Variants in RAB28 observed in about 807,000 individuals in gnomAD.
The protein encoded by RAB28 is ras-related protein Rab-28.
In RAB28, 24 loss-of-function variants were observed where a neutral mutation model predicts 31.7. That is an observed-to-expected ratio of 0.76 (90% CI 0.55 to 1.06). RAB28 has a LOEUF of 1.06. Ranked by LOEUF, RAB28 falls within the 50% of genes least tolerant of loss-of-function variation. The pLI, the probability that RAB28 is intolerant of heterozygous loss-of-function variation, is 0.00. For missense variants in RAB28, 254 were observed against 258.5 expected (o/e 0.98, Z 0.12); for synonymous variants, 100 against 90.4 (o/e 1.11, Z -0.60).
chr4:13,420,369 T>C (rs747094501), intron 4 of RAB28, among the ~76,000 whole-genome samples: 1 of 152,064 alleles, frequency 6.6e-6, no homozygotes, highest in Non-Finnish European at 1.5e-5. Context: ...AATATTCCAA[T>C]CAATAGAAAA....
chr4:13,412,093 A>C (rs1333208425), intron 4 of RAB28, among the ~76,000 whole-genome samples: 1 of 152,160 alleles, frequency 6.6e-6, no homozygotes, highest in Non-Finnish European at 1.5e-5. Context: ...CCTACACCAC[A>C]ATTTGTTGAA....
intron 4 of RAB28, among the ~76,000 whole-genome samples, chr4:13,415,513 G>T (rs1363714219): frequency 6.6e-6 from 1 of 152,132 alleles, no homozygotes; most frequent in Non-Finnish European, 1.5e-5. Flanking sequence ...CTGCCGGCCC[G>T]GGCAATGAGG....
chr4:13,462,946 G>A (rs1039202552), intron 3 of RAB28, among the ~76,000 whole-genome samples: 1 of 152,134 alleles, frequency 6.6e-6, no homozygotes, highest in Non-Finnish European at 1.5e-5. Context: ...AGAGCTCTAC[G>A]CTGGAACTCA....
intron 4 of RAB28, among the ~76,000 whole-genome samples, chr4:13,418,358 A>G (rs1712918815): frequency 6.6e-6 from 1 of 152,218 alleles, no homozygotes; most frequent in Admixed American, 6.5e-5. Flanking sequence ...AACTTCCCCA[A>G]CCCAGCAAGG....
intron 4 of RAB28, among the ~76,000 whole-genome samples, chr4:13,452,574 T>C (rs1409141983): frequency 6.6e-6 from 1 of 152,114 alleles, no homozygotes; most frequent in Non-Finnish European, 1.5e-5. Context: ...TTGTATAGTT[T>C]TGAATGTTCA....
At chr4:13,481,336 G>A (rs1187421489) in intron 1 of RAB28, among the ~76,000 whole-genome samples, 1 of 152,070 alleles carries the variant, frequency 6.6e-6, no homozygotes, top group African/African-American at 2.4e-5. Flanking sequence ...GATGTCTTGA[G>A]ATAAAAATTG....
At chr4:13,379,840 C>A (rs1315202084) in intron 5 of RAB28, among the ~76,000 whole-genome samples, 2 of 152,026 alleles carry the variant, frequency 1.3e-5, no homozygotes, top group Non-Finnish European at 2.9e-5. Context: ...TCTCCTCAAG[C>A]AATGAGAAAG....
chr4:13,433,361 A>G (rs1010110879), intron 4 of RAB28, among the ~76,000 whole-genome samples: 1 of 152,174 alleles, frequency 6.6e-6, no homozygotes, highest in African/African-American at 2.4e-5. Flanking sequence ...CAACACAGAA[A>G]GCAGACAATC....
chr4:13,406,460 A>G (rs1392730955), intron 4 of RAB28, among the ~76,000 whole-genome samples: 1 of 152,180 alleles, frequency 6.6e-6, no homozygotes, highest in Non-Finnish European at 1.5e-5. Flanking sequence ...CGCAATAAAC[A>G]TAGGTGTGTA....
chr4:13,402,935 A>G (rs1711857271), intron 4 of RAB28, among the ~76,000 whole-genome samples: 3 of 152,120 alleles, frequency 2.0e-5, no homozygotes, highest in South Asian at 2.1e-4. Flanking sequence ...CTGGGAACAC[A>G]GGCACATGCC....
At chr4:13,415,705 C>G (rs575138479) in intron 4 of RAB28, among the ~76,000 whole-genome samples, 135 of 152,258 alleles carry the variant, frequency 8.9e-4, no homozygotes, top group Middle Eastern at 3.4e-3. Context: ...GCCTCCCCAA[C>G]GAGCACCATC....
At chr4:13,425,094 A>G (rs1296221431) in intron 4 of RAB28, among the ~76,000 whole-genome samples, 3 of 152,066 alleles carry the variant, frequency 2.0e-5, no homozygotes, top group African/African-American at 7.2e-5. Context: ...TAAATTATTG[A>G]TTTTCTTTTA....
intron 4 of RAB28, among the ~76,000 whole-genome samples, chr4:13,419,012 C>G (rs946070925): frequency 6.6e-5 from 10 of 151,918 alleles, no homozygotes; most frequent in Non-Finnish European, 1.5e-4. Flanking sequence ...ACCCATCTCA[C>G]GTGCAGAGAC....
chr4:13,452,547 G>A (rs968105381), intron 4 of RAB28, among the ~76,000 whole-genome samples: 2 of 151,762 alleles, frequency 1.3e-5, no homozygotes, highest in African/African-American at 4.8e-5. Flanking sequence ...TTAGAATATT[G>A]TTCAATTTCC....
Position 13,404,366 on chromosome 4 carries a change from G to A in RAB28, c.392-22772C>T, listed in dbSNP as rs1369939372. Among the ~76,000 whole-genome samples, 7 of 152,042 alleles carry A rather than the reference G, an allele frequency of 4.6e-5. No individual in the cohort carries two copies. In the East Asian group the frequency reaches 7.7e-4, roughly 17 times the overall value. ...GCACTCCAGCCTGGGCAACAAGAGC[G>A]AAACTCCATTTCAGAAAATAAAATA... On this transcript the variant is annotated intron_variant, in intron 4 of 6. Coordinates refer to ENST00000330852, the MANE Select transcript of RAB28 (RefSeq NM_001017979.3).
chr4:13,380,570 T>C (rs1729087420), intron 5 of RAB28, among the ~76,000 whole-genome samples: 1 of 152,144 alleles, frequency 6.6e-6, no homozygotes, highest in Non-Finnish European at 1.5e-5. Context: ...GTGAAGTATC[T>C]TTTTTCTTTT....
intron 4 of RAB28, among the ~76,000 whole-genome samples, chr4:13,421,222 A>T (rs559207094): frequency 6.6e-6 from 1 of 152,354 alleles, no homozygotes; most frequent in East Asian, 1.9e-4. Flanking sequence ...TTCTTCAAGG[A>T]GAACTACAAA....
At chr4:13,471,424 G>A (rs1716116221) in intron 3 of RAB28, among the ~76,000 whole-genome samples, 1 of 151,992 alleles carries the variant, frequency 6.6e-6, no homozygotes, top group East Asian at 1.9e-4. Context: ...TAGACCACTG[G>A]TCAATGTACT....
intron 4 of RAB28, among the ~76,000 whole-genome samples, chr4:13,404,700 A>G (rs1000448859): frequency 6.6e-6 from 1 of 152,172 alleles, no homozygotes; most frequent in Admixed American, 6.5e-5. Flanking sequence ...ATTATAACTT[A>G]TGGATATATA....
Sources: allele counts gnomAD v4.1 joint callset (sites outside exome capture counted in the v4.1 genomes callset), GRCh38; gene constraint gnomAD v4.1.1; transcripts MANE v1.5; gene names NCBI Gene and HGNC (gene_info 2026-07-23, HGNC 2026-07-21).